SDC1: variants seen among roughly 807,000 people sequenced by gnomAD.
SDC1 encodes syndecan-1.
In SDC1, 14 loss-of-function variants were observed where a neutral mutation model predicts 29.7. The observed-to-expected ratio is 0.47, with a 90% CI of 0.31 to 0.74. SDC1 has a LOEUF of 0.74. Among genes scored for constraint, SDC1 ranks in the 30% least tolerant of loss-of-function variants. The pLI is 0.05. For synonymous variants in SDC1, 204 were observed against 175.5 expected (o/e 1.16, Z -1.29); for missense variants, 406 against 400.3 (o/e 1.01, Z -0.12).
intron 1 of SDC1, among the ~76,000 whole-genome samples, chr2:20,209,581 T>C (rs1677395568): frequency 6.6e-6 from 1 of 152,132 alleles, no homozygotes; most frequent in Non-Finnish European, 1.5e-5. Context: ...CCACCAGGGA[T>C]GGGGAGTCAT....
At chr2:20,216,526 G>C (rs1202485255) in intron 1 of SDC1, among the ~76,000 whole-genome samples, 1 of 152,184 alleles carries the variant, frequency 6.6e-6, no homozygotes, top group Admixed American at 6.6e-5. Context: ...TATTCGCCTG[G>C]AACACTACAG....
At chr2:20,210,104 G>A (rs1677417062) in intron 1 of SDC1, among the ~76,000 whole-genome samples, 1 of 152,268 alleles carries the variant, frequency 6.6e-6, no homozygotes, top group South Asian at 2.1e-4. Flanking sequence ...CACTTCGGGA[G>A]GCCGAGGTAG....
At chr2:20,210,467 G>A (rs1023421507) in intron 1 of SDC1, among the ~76,000 whole-genome samples, 1 of 152,208 alleles carries the variant, frequency 6.6e-6, no homozygotes, top group Non-Finnish European at 1.5e-5. Flanking sequence ...CTAAGGCCAG[G>A]CCTTGAAGCC....
chr2:20,223,820 T>C (rs1677901442), intron 1 of SDC1, among the ~76,000 whole-genome samples: 1 of 152,162 alleles, frequency 6.6e-6, no homozygotes, highest in Non-Finnish European at 1.5e-5. Context: ...ACCCTCAGGC[T>C]GCTCTTTGTC....
intron 3 of SDC1, among the ~76,000 whole-genome samples, chr2:20,203,495 C>A (rs1332277132): frequency 6.6e-6 from 1 of 152,202 alleles, no homozygotes; most frequent in African/African-American, 2.4e-5. Context: ...TAGTGTAAAG[C>A]GTAAAATTCC....
At chr2:20,223,926 C>T (rs1677904982) in intron 1 of SDC1, among the ~76,000 whole-genome samples, 1 of 152,150 alleles carries the variant, frequency 6.6e-6, no homozygotes, top group Non-Finnish European at 1.5e-5. Flanking sequence ...CACATCTGCC[C>T]CTCTTTTCTC....
chr2:20,218,259 G>T (rs1677695063), intron 1 of SDC1, among the ~76,000 whole-genome samples: 2 of 152,234 alleles, frequency 1.3e-5, no homozygotes, highest in African/African-American at 4.8e-5. Context: ...TGACCTGACT[G>T]CCCGTCTCTG....
At chr2:20,221,836 C>T (rs150006063) in intron 1 of SDC1, among the ~76,000 whole-genome samples, 40 of 152,294 alleles carry the variant, frequency 2.6e-4, no homozygotes, top group African/African-American at 9.6e-4. Context: ...AACCGCTCCA[C>T]CCTCCCTGTA....
intron 1 of SDC1, among the ~76,000 whole-genome samples, chr2:20,220,351 C>G (rs1000774287): frequency 6.6e-6 from 1 of 152,082 alleles, no homozygotes; most frequent in Admixed American, 6.5e-5. Context: ...CACACCATAC[C>G]CATACACATG....
chr2:20,206,879 T>C (rs1677288488), intron 1 of SDC1, among the ~76,000 whole-genome samples: 1 of 152,152 alleles, frequency 6.6e-6, no homozygotes, highest in Admixed American at 6.5e-5. Context: ...ACTGTCTAAC[T>C]AGGGGAGCCT....
chr2:20,205,265 C>G lies in SDC1; in HGVS notation c.148+78G>C, dbSNP rs1472444100. ...GCACTCAGTACATGCTCAGTAAACA[C>G]AGGAGACTGCCTGACCACTGCCCAC... On this transcript the variant is annotated intron_variant, in intron 2 of 4. Transcript: ENST00000254351. 9 of 1,116,818 alleles carry G rather than the reference C, an allele frequency of 8.1e-6. No homozygotes were observed. The East Asian group carries it at 2.1e-4, about 26-fold the overall frequency. 69.2% of individuals were successfully genotyped at this position (1,116,818 alleles called of 1,614,324 possible).
chr2:20,208,441 C>A (rs1387761398), intron 1 of SDC1, among the ~76,000 whole-genome samples: 1 of 152,242 alleles, frequency 6.6e-6, no homozygotes, highest in East Asian at 1.9e-4. Context: ...TCAGTCTCCA[C>A]TAAGGGGACA....
At position 20,201,969 on chromosome 2, in the gene SDC1, A is replaced by C; in HGVS notation, c.*797T>G. 1 of 335,494 alleles carries C rather than the reference A, an allele frequency of 3.0e-6. No homozygotes were observed. The highest frequency in any genetic ancestry group is 5.3e-5 in the South Asian group (1 of 18,914). The allele number at this position is 335,494 out of a possible 1,614,324, so 20.8% of individuals were successfully genotyped here. On this transcript the variant is annotated 3_prime_UTR_variant, in exon 5 of 5. Transcript: ENST00000254351. ...GGCAGCCTGGACTGGCCAGCCTGCC[A>C]ACAGACCACCAGAAACGGGGCCACC...
intron 1 of SDC1, among the ~76,000 whole-genome samples, chr2:20,205,740 G>A (rs1354350563): frequency 6.6e-6 from 1 of 152,170 alleles, no homozygotes; most frequent in Non-Finnish European, 1.5e-5. Context: ...CAGACAGGGA[G>A]CTGTTATTGG....
chr2:20,225,187 A>C (rs1572477358), upstream of SDC1: 10 of 121,252 alleles, frequency 8.2e-5, no homozygotes, highest in East Asian at 1.7e-4. Context: ...CACACCCCCC[A>C]GGACCCCGCC....
intron 1 of SDC1, among the ~76,000 whole-genome samples, chr2:20,212,994 T>G (rs1050609083): frequency 1.3e-5 from 2 of 152,152 alleles, no homozygotes; most frequent in African/African-American, 4.8e-5. Flanking sequence ...GAGGTCAAGG[T>G]CGCAGAGCCG....
Position 20,202,882 on chromosome 2 carries a change from A to G in SDC1, c.817T>C (p.Phe273Leu). The G allele has an allele frequency of 6.2e-7, 1 of 1,613,792 alleles. No homozygotes were observed. The highest frequency in any genetic ancestry group is 1.7e-5 in the Admixed American group (1 of 60,006). ...GLIFAVCLVG[F>L]MLYRMKKKDE... ...TTCTTCTTCATGCGGTACAGCATGA[A>G]ACCCACCAGGCACACAGCAAAGATG... is the stretch of plus-strand genomic sequence containing the variant. Residue 273 changes from phenylalanine (F) to leucine (L), a missense_variant, in exon 5 of 5, where the codon TTC becomes CTC. Phe to Leu is a conservative substitution (Grantham distance 22). Transcript: ENST00000254351.
intron 1 of SDC1, among the ~76,000 whole-genome samples, chr2:20,210,482 A>G (rs974384379): frequency 1.3e-5 from 2 of 152,216 alleles, no homozygotes; most frequent in African/African-American, 4.8e-5. Flanking sequence ...GAAGCCCCCA[A>G]ACCAACTCAG....
rs1055908104 is a variant in SDC1, at chr2:20,224,057, G to T, written c.66+745C>A. ...TCGCGTGGAAGGCGCCTGCGCCTCG[G>T]CCGTGCCCGGCACGGGAACGCGCCC... On this transcript the variant is annotated intron_variant, in intron 1 of 4. Transcript: ENST00000254351. This position sits in a 1 kb window ranked among gnomAD's most constrained non-coding sequence, Gnocchi z 4.9. The T allele has an allele frequency of 1.3e-4, 35 of 272,330 alleles. 1 individual carries two copies. The highest frequency in any genetic ancestry group is 7.0e-4 in the African/African-American group (30 of 42,776). 16.9% of individuals were successfully genotyped at this position (272,330 alleles called of 1,614,324 possible).
Sources: allele counts gnomAD v4.1 joint callset (sites outside exome capture counted in the v4.1 genomes callset), GRCh38; gene constraint gnomAD v4.1.1; non-coding constraint Gnocchi (gnomAD v3.1); transcripts MANE v1.5; gene names NCBI Gene and HGNC (gene_info 2026-07-23, HGNC 2026-07-21).